SCAI: variants seen among roughly 807,000 people sequenced by gnomAD.
The protein encoded by SCAI is suppressor of cancer cell invasion.
Under a neutral mutation model 92.2 loss-of-function variants are expected in SCAI, and 24 were observed. That is an observed-to-expected ratio of 0.26 (90% CI 0.19 to 0.37). The LOEUF is 0.37. Among genes scored for constraint, SCAI ranks in the 10% least tolerant of loss-of-function variants. The pLI is 1.00. For missense variants in SCAI, 450 were observed against 736.2 expected (o/e 0.61, Z 4.50); for synonymous variants, 261 against 258.6 (o/e 1.01, Z -0.09).
chr9:125,015,070 A>G (rs1832725770), intron 9 of SCAI, among the ~76,000 whole-genome samples: 1 of 152,204 alleles, frequency 6.6e-6, no homozygotes, highest in Admixed American at 6.5e-5. Flanking sequence ...ATCTAAAACC[A>G]TAAAAACCCT....
rs148843299 is a variant in SCAI, at chr9:124,982,590, G to T, written c.1327-6404C>A. On this transcript the variant is annotated intron_variant, in intron 14 of 17. Coordinates refer to ENST00000336505, the MANE Select transcript of SCAI (RefSeq NM_001144877.3). ...AGTTATTTGGGAGGCTGAGGCAGGAGACTCACTTGAACCCGGGAGGCAGAG... is the reference window on the plus strand; with the variant it reads ...AGTTATTTGGGAGGCTGAGGCAGGATACTCACTTGAACCCGGGAGGCAGAG... Among the ~76,000 whole-genome samples, 50 of 149,792 alleles carry T rather than the reference G, an allele frequency of 3.3e-4. No homozygotes were observed. In the East Asian group the frequency reaches 9.5e-3, roughly 28 times the overall value.
chr9:125,131,357 G>A (rs901343441), intron 2 of SCAI, among the ~76,000 whole-genome samples: 26 of 149,488 alleles, frequency 1.7e-4, no homozygotes, highest in African/African-American at 5.9e-4. Flanking sequence ...GCAGTGAGCC[G>A]AGATTGTGCC....
chr9:125,104,295 T>A (rs890245083), intron 2 of SCAI, among the ~76,000 whole-genome samples: 2 of 152,202 alleles, frequency 1.3e-5, no homozygotes, highest in Non-Finnish European at 2.9e-5. Flanking sequence ...GAGTGTCCAG[T>A]AAGATGCATA....
At chr9:125,114,883 C>T (rs1305554863) in intron 2 of SCAI, among the ~76,000 whole-genome samples, 1 of 151,424 alleles carries the variant, frequency 6.6e-6, no homozygotes, top group East Asian at 2.0e-4. Flanking sequence ...AAGCAATTCT[C>T]CTTCCTCAGC....
At chr9:125,074,061 C>T (rs962332316) in intron 2 of SCAI, among the ~76,000 whole-genome samples, 4 of 151,518 alleles carry the variant, frequency 2.6e-5, no homozygotes, top group Non-Finnish European at 5.9e-5. Flanking sequence ...AGATCGAGAC[C>T]GTCCTGGCTA....
intron 2 of SCAI, among the ~76,000 whole-genome samples, chr9:125,119,487 A>T (rs1835115459): frequency 6.6e-6 from 1 of 152,248 alleles, no homozygotes; most frequent in Admixed American, 6.5e-5. Context: ...ACAGTGAAAT[A>T]ACAATCTATA....
chr9:125,073,654 T>C (rs1026794220), intron 2 of SCAI, among the ~76,000 whole-genome samples: 2 of 152,184 alleles, frequency 1.3e-5, no homozygotes, highest in Admixed American at 1.3e-4. Flanking sequence ...ATATCTTCTT[T>C]GGAGCAATGT....
intron 14 of SCAI, among the ~76,000 whole-genome samples, chr9:124,988,203 G>T (rs1832039384): frequency 6.6e-6 from 1 of 151,964 alleles, no homozygotes; most frequent in Admixed American, 6.6e-5. Context: ...TAAAGATACT[G>T]GCATTAGGGA....
chr9:125,032,188 T>TAC (rs1335968611), intron 3 of SCAI, among the ~76,000 whole-genome samples: 2 of 112,140 alleles, frequency 1.8e-5, no homozygotes, highest in Non-Finnish European at 3.4e-5. Flanking sequence ...TATATATATA[T>TAC]ATATATATTT....
intron 6 of SCAI, among the ~76,000 whole-genome samples, chr9:125,026,393 AAAG>A (rs199803609): frequency 1.8e-4 from 24 of 137,106 alleles, no homozygotes; most frequent in Admixed American, 1.5e-4. Flanking sequence ...AAAAAAAAAA[AAAG>A]AGAGAGAAAA....
At chr9:125,010,531 G>C (rs974421979) in intron 9 of SCAI, among the ~76,000 whole-genome samples, 7 of 152,242 alleles carry the variant, frequency 4.6e-5, no homozygotes, top group African/African-American at 1.7e-4. Flanking sequence ...CAGCCAGAAA[G>C]CTCGAACTGG....
chr9:125,055,724 A>T (rs1218433327), intron 3 of SCAI, 152 bp downstream of exon 3: 4 of 488,104 alleles, frequency 8.2e-6, no homozygotes, highest in Non-Finnish European at 1.4e-5. Flanking sequence ...CAAGAATTTT[A>T]AAAATGATGT....
chr9:125,071,719 C>T (rs1334929260), intron 2 of SCAI, among the ~76,000 whole-genome samples: 1 of 151,656 alleles, frequency 6.6e-6, no homozygotes, highest in Non-Finnish European at 1.5e-5. Flanking sequence ...GAAAGTACTG[C>T]AGTGAAAGGG....
chr9:125,122,293 T>C (rs995031300), intron 2 of SCAI, among the ~76,000 whole-genome samples: 2 of 152,226 alleles, frequency 1.3e-5, no homozygotes, highest in South Asian at 4.1e-4. Flanking sequence ...ATCTTAATGA[T>C]TTAAAACTGG....
chr9:125,096,489 G>A (rs1218584010), intron 2 of SCAI, among the ~76,000 whole-genome samples: 1 of 152,136 alleles, frequency 6.6e-6, no homozygotes, highest in Non-Finnish European at 1.5e-5. Flanking sequence ...TTATTTCTTT[G>A]GTCCCTGGCA....
chr9:125,020,286 T>C (rs913013861), intron 7 of SCAI, among the ~76,000 whole-genome samples: 1 of 152,182 alleles, frequency 6.6e-6, no homozygotes, highest in Non-Finnish European at 1.5e-5. Context: ...GCAGACACTC[T>C]AAAGTGGTGG....
chr9:125,036,235 C>T (rs946623856), intron 3 of SCAI, among the ~76,000 whole-genome samples: 2 of 152,152 alleles, frequency 1.3e-5, no homozygotes, highest in East Asian at 3.9e-4. Context: ...GGGGATTAGA[C>T]AGTATGTGTG....
chr9:125,048,520 T>TGAA (rs1450046826), intron 3 of SCAI, among the ~76,000 whole-genome samples: 3 of 150,710 alleles, frequency 2.0e-5, no homozygotes, highest in African/African-American at 4.9e-5. Flanking sequence ...ATTAATTTTC[T>TGAA]GAAGAAGGAG....
At chr9:124,963,201 A>G (rs1355976091) in intron 17 of SCAI, among the ~76,000 whole-genome samples, 4 of 150,510 alleles carry the variant, frequency 2.7e-5, no homozygotes, top group Non-Finnish European at 5.9e-5. Context: ...CAATGGTGCA[A>G]TCTTGGCTCA....
Sources: gnomAD v4.1 joint callset for allele counts (sites outside exome capture counted in the v4.1 genomes callset) on GRCh38, gnomAD v4.1.1 for gene constraint, MANE v1.5 for transcripts, NCBI Gene and HGNC (gene_info 2026-07-23, HGNC 2026-07-21) for gene names.